CMYA5: variants seen among roughly 807,000 people sequenced by gnomAD.
CMYA5 encodes cardiomyopathy-associated protein 5.
In CMYA5, 246 loss-of-function variants were observed where a neutral mutation model predicts 318.9. That is an observed-to-expected ratio of 0.77 (90% CI 0.70 to 0.86). The LOEUF (loss-of-function observed/expected upper bound fraction) is 0.86. Among genes scored for constraint, CMYA5 ranks in the 40% least tolerant of loss-of-function variants. The pLI is 0.00. For missense variants in CMYA5, 4,589 were observed against 4,678.2 expected, an observed-to-expected ratio of 0.98 and a Z score of 0.56; for synonymous variants, 1,641 against 1,729.5, an observed-to-expected ratio of 0.95 and a Z score of 1.27.
rs147840204 is a variant in CMYA5 at position 79,791,522 on chromosome 5, A to G, written c.11789+453A>G. Among the ~76,000 whole-genome samples, 1,162 of 152,140 alleles carry G rather than the reference A, an allele frequency of 7.6e-3. 15 individuals carry two copies. Among genetic ancestry groups the G allele is most frequent in the African/African-American group, 0.027 (1,106 of 41,490 alleles). On this transcript the variant is annotated intron_variant, in intron 11 of 12. Transcript: ENST00000446378. ...GATCATTTGAGTTCAGGAGTTTGAG[A>G]CCAGCCTGGCCAACATGGTGAGACT...
chr5:79,711,151 A>G (rs2151078339), intron 1 of CMYA5, among the ~76,000 whole-genome samples: 1 of 152,172 alleles, frequency 6.6e-6, no homozygotes, highest in East Asian at 1.9e-4. Context: ...GGAATTTTAG[A>G]GACTTCTTTT....
rs79562619 is a variant in CMYA5, at chr5:79,793,230, T to C, written c.11790-207T>C. 9.8e-3 allele frequency among the ~76,000 whole-genome samples: 1,497 copies of C among 152,308 alleles called. 22 individuals are homozygous for C. The highest frequency in any genetic ancestry group is 0.035 in the African/African-American group (1,439 of 41,562). On this transcript the variant is annotated intron_variant, in intron 11 of 12. Coordinates refer to ENST00000446378, the MANE Select transcript of CMYA5 (RefSeq NM_153610.5). ...TGTTGTATGTATGTGACTGGCAATA[T>C]GTCAAATGCCTGTTGAGAGTTTGGA...
At chr5:79,703,752 T>A (rs938913317) in intron 1 of CMYA5, among the ~76,000 whole-genome samples, 3 of 152,234 alleles carry the variant, frequency 2.0e-5, no homozygotes, top group Admixed American at 6.5e-5. Flanking sequence ...TCTAGTCAAC[T>A]TTATTTTGAT....
intron 12 of CMYA5, among the ~76,000 whole-genome samples, chr5:79,795,747 C>T (rs1432343607): frequency 3.9e-5 from 6 of 152,112 alleles, no homozygotes; most frequent in Non-Finnish European, 8.8e-5. Context: ...GGAGTTACCA[C>T]CAGAGTCCAA....
intron 7 of CMYA5, among the ~76,000 whole-genome samples, chr5:79,761,112 G>T (rs916487012): frequency 5.9e-5 from 9 of 152,066 alleles, no homozygotes; most frequent in African/African-American, 2.2e-4. Flanking sequence ...AATCAAATTG[G>T]CCCAAATTGG....
At position 79,786,775 on chromosome 5, in the gene CMYA5, C is replaced by A. The variant is rs186735187; in HGVS notation, c.11556-2196C>A. On this transcript the variant is annotated intron_variant, in intron 9 of 12. Coordinates refer to ENST00000446378, the MANE Select transcript of CMYA5 (RefSeq NM_153610.5). ...AGAATAAGTAGACAAGGAAACGAAC[C>A]ATTTGTTCTAACCTTTTTTGCTTTG... Among the ~76,000 whole-genome samples the A allele has an allele frequency of 1.8e-4, 27 of 152,258 alleles. No homozygotes were observed. In the East Asian group the frequency reaches 4.4e-3, roughly 25 times the overall value.
rs1236375281 is a variant in CMYA5, at chr5:79,736,665, A to T, written c.7900A>T (p.Thr2634Ser). 17 of 1,613,544 alleles carry T rather than the reference A, an allele frequency of 1.1e-5. No individual in the cohort carries two copies. The highest frequency in any genetic ancestry group is 1.4e-5 in the Non-Finnish European group (17 of 1,179,802). The change falls in exon 2 of 13, where the codon ACT (threonine) becomes TCT (serine). Residue 2634 changes from threonine (T) to serine (S), a missense_variant. Around this residue, in one of 3 missense-constraint regions of CMYA5, gnomAD observed 2,431 missense variants for 2,495.1 expected, o/e 0.97. Transcript: ENST00000446378. ...ESKVLVEKTK[T>S]FLPVALSCRD... ...TAAAGTTTTGGTGGAGAAAACCAAGACTTTCCTGCCGGTGGCTCTTTCTTG... is the reference window on the plus strand; with the variant it reads ...TAAAGTTTTGGTGGAGAAAACCAAGTCTTTCCTGCCGGTGGCTCTTTCTTG...
At chr5:79,696,758 C>A (rs1333739707) in intron 1 of CMYA5, among the ~76,000 whole-genome samples, 4 of 152,162 alleles carry the variant, frequency 2.6e-5, no homozygotes, top group Non-Finnish European at 4.4e-5. Flanking sequence ...ATAATCCCAG[C>A]ACTTAGGGAG....
intron 1 of CMYA5, among the ~76,000 whole-genome samples, chr5:79,716,450 T>C (rs1827518706): frequency 6.6e-6 from 1 of 152,208 alleles, no homozygotes; most frequent in Non-Finnish European, 1.5e-5. Context: ...GGTGCAAAAG[T>C]AATTGCGGCT....
Position 79,799,869 on chromosome 5 carries a change from T to C in CMYA5, c.*253T>C. 1.1e-4 allele frequency: 17 copies of C among 152,928 alleles called. No individual in the cohort carries two copies. Among genetic ancestry groups the C allele is most frequent in the South Asian group, 7.8e-4 (5 of 6,398 alleles). 9.5% of individuals were successfully genotyped at this position (152,928 alleles called of 1,614,324 possible). On this transcript the variant is annotated 3_prime_UTR_variant, in exon 13 of 13. Coordinates refer to ENST00000446378, the MANE Select transcript of CMYA5 (RefSeq NM_153610.5). ...ATATAAGTTTGAGTTCTTTCCTAAA[T>C]TAAAAGATCTACACTTGAGTTGGGA...
chr5:79,696,531 A>G (rs1392735714), intron 1 of CMYA5, among the ~76,000 whole-genome samples: 1 of 152,208 alleles, frequency 6.6e-6, no homozygotes, highest in African/African-American at 2.4e-5. Context: ...CTTTTAAGAA[A>G]AATTCACTTG....
At chr5:79,786,256 T>C (rs892501563) in intron 9 of CMYA5, among the ~76,000 whole-genome samples, 1 of 152,210 alleles carries the variant, frequency 6.6e-6, no homozygotes, top group Non-Finnish European at 1.5e-5. Flanking sequence ...GCTGCGCTGC[T>C]CACTGCCCTC....
At chr5:79,710,043 C>G (rs1023052421) in intron 1 of CMYA5, among the ~76,000 whole-genome samples, 2 of 149,696 alleles carry the variant, frequency 1.3e-5, no homozygotes, top group Non-Finnish European at 3.0e-5. Flanking sequence ...CCTTCCTTTT[C>G]CAACTACATA....
chr5:79,798,314 C>T (rs1314566370), intron 12 of CMYA5, among the ~76,000 whole-genome samples: 1 of 152,090 alleles, frequency 6.6e-6, no homozygotes, highest in East Asian at 1.9e-4. Context: ...GCTGTGCTCC[C>T]ACCCCTCCAG....
At chr5:79,742,023 T>TTCC (rs890601619) in intron 2 of CMYA5, among the ~76,000 whole-genome samples, 1 of 151,190 alleles carries the variant, frequency 6.6e-6, no homozygotes, top group South Asian at 2.1e-4. Context: ...TTTCTCCTCC[T>TTCC]TCCTCCTCCT....
Position 79,733,179 on chromosome 5 carries a change from T to C in CMYA5, c.4414T>C (p.Leu1472=), listed in dbSNP as rs749046564. The C allele has an allele frequency of 1.2e-5, 20 of 1,613,660 alleles. No individual in the cohort carries two copies. The highest frequency in any genetic ancestry group is 1.6e-4 in the Middle Eastern group (1 of 6,080). Reference sequence around the variant, plus strand: ...AGAAGCCAAAGAAGTTAAAGCTGGGTTGCCAGTAATCAAAACATCATCTTC... The same window carrying C: ...AGAAGCCAAAGAAGTTAAAGCTGGGCTGCCAGTAATCAAAACATCATCTTC... ...EVEAKEVKAG[L]PVIKTSSSQH... is the part of the protein sequence containing the mutation. The change falls in exon 2 of 13, where the codon TTG becomes CTG. Residue 1472 remains leucine, a synonymous_variant. Coordinates refer to ENST00000446378, the MANE Select transcript of CMYA5 (RefSeq NM_153610.5).
chr5:79,712,044 T>C (rs1459556399), intron 1 of CMYA5, among the ~76,000 whole-genome samples: 1 of 152,122 alleles, frequency 6.6e-6, no homozygotes, highest in African/African-American at 2.4e-5. Context: ...CTTAGGTTTA[T>C]CCAAACAGGC....
intron 1 of CMYA5, among the ~76,000 whole-genome samples, chr5:79,702,094 A>C (rs1236756325): frequency 6.6e-6 from 1 of 151,830 alleles, no homozygotes; most frequent in African/African-American, 2.4e-5. Flanking sequence ...ACAGAGCGAG[A>C]CTCCATCTCA....
intron 9 of CMYA5, among the ~76,000 whole-genome samples, chr5:79,772,032 G>T (rs1828864853): frequency 1.3e-5 from 2 of 151,354 alleles, no homozygotes; most frequent in Non-Finnish European, 2.9e-5. Flanking sequence ...AAAGGAAAAA[G>T]AAAAGAAAAG....
Sources: allele counts gnomAD v4.1 joint callset (sites outside exome capture counted in the v4.1 genomes callset), GRCh38; gene constraint gnomAD v4.1.1; regional missense constraint gnomAD v4.1.1; transcripts MANE v1.5; gene names NCBI Gene and HGNC (gene_info 2026-07-23, HGNC 2026-07-21).